The following CBFA2T3 variants were observed in gnomAD, a reference collection of about 807,000 sequenced individuals.
CBFA2T3 encodes the protein transcriptional corepressor CBFA2T3.
CBFA2T3 carries 31 observed loss-of-function variants against 58.6 expected under a neutral mutation model. That is an observed-to-expected ratio of 0.53 (90% CI 0.40 to 0.71). The LOEUF (loss-of-function observed/expected upper bound fraction) is 0.71, where lower values mean the gene tolerates loss of function less well. CBFA2T3 is among the 30% of genes least tolerant of loss of function. The pLI, the probability that CBFA2T3 is intolerant of heterozygous loss-of-function variation, is 0.00. For missense variants in CBFA2T3, 1,076 were observed against 963.1 expected, an observed-to-expected ratio of 1.12 and a Z score of -1.55; for synonymous variants, 531 against 421.9, an observed-to-expected ratio of 1.26 and a Z score of -3.17.
Position 88,953,908 on chromosome 16 carries a change from T to A in CBFA2T3, c.151+22749A>T, listed in dbSNP as rs1452080370. Reference sequence around the variant, plus strand: ...GGGCTGGTGAGGACAGGGACAGAGATGCCCACAGAGCAGGTGGGCTGTGCT... The same window carrying A: ...GGGCTGGTGAGGACAGGGACAGAGAAGCCCACAGAGCAGGTGGGCTGTGCT... On this transcript the variant is annotated intron_variant, in intron 1 of 11. Coordinates refer to ENST00000268679, the MANE Select transcript of CBFA2T3 (RefSeq NM_005187.6). The surrounding 1 kb of genome is among the most constrained non-coding windows in gnomAD (Gnocchi z 4.9). Among the ~76,000 whole-genome samples the A allele has an allele frequency of 6.6e-6, 1 of 152,068 alleles. No individual in the cohort carries two copies. The highest frequency in any genetic ancestry group is 2.4e-5 in the African/African-American group (1 of 41,402).
intron 1 of CBFA2T3, among the ~76,000 whole-genome samples, chr16:88,908,014 C>T (rs568356335): frequency 6.6e-5 from 10 of 152,310 alleles, no homozygotes; most frequent in Non-Finnish European, 1.3e-4. Context: ...TGGCTGCAGC[C>T]TCATCTGCCT....
intron 1 of CBFA2T3, among the ~76,000 whole-genome samples, chr16:88,975,178 A>T (rs796909472): frequency 0.047 from 2,181 of 45,992 alleles, 55 homozygotes; most frequent in African/African-American, 0.071. Context: ...TCTCTGCTCC[A>T]CATCTTTAGC....
chr16:88,895,426 A>C (rs984484503), intron 3 of CBFA2T3, among the ~76,000 whole-genome samples: 16 of 152,202 alleles, frequency 1.1e-4, no homozygotes, highest in Admixed American at 8.5e-4. Flanking sequence ...ACCTGCACAC[A>C]GGCTGCGCGG....
intron 1 of CBFA2T3, chr16:88,941,229 CCACCCCGCGCGGGAACAAAGCGCG>C (rs1971716738): frequency 1.0e-6 from 1 of 957,074 alleles, no homozygotes; most frequent in Non-Finnish European, 1.2e-6. Flanking sequence ...TCGGCTCCGG[CCACCCCGCGCGGGAACAAAGCGCG>C]CACCCCGCCC....
At chr16:88,881,032 G>A in intron 9 of CBFA2T3, 1 of 700,266 alleles carries the variant, frequency 1.4e-6, no homozygotes, top group Admixed American at 2.0e-5. Flanking sequence ...CCTCTCCTGT[G>A]TCAGCATTCG....
intron 7 of CBFA2T3, among the ~76,000 whole-genome samples, chr16:88,884,389 A>C (rs1010522816): frequency 4.6e-5 from 7 of 152,190 alleles, no homozygotes. Context: ...CTGGGTTCTC[A>C]GCACAGAGGC....
intron 1 of CBFA2T3, among the ~76,000 whole-genome samples, chr16:88,924,215 G>A (rs1971012687): frequency 6.6e-6 from 1 of 152,198 alleles, no homozygotes; most frequent in Non-Finnish European, 1.5e-5. Flanking sequence ...CAGTGAGCCT[G>A]AGTGAAGATC....
chr16:88,941,037 G>C, intron 1 of CBFA2T3: 8 of 985,698 alleles, frequency 8.1e-6, no homozygotes, highest in Non-Finnish European at 9.6e-6. Flanking sequence ...GGGTCCGGGG[G>C]ATCCGGCGGG....
At chr16:88,912,555 T>C (rs1161971231) in intron 1 of CBFA2T3, among the ~76,000 whole-genome samples, 1 of 152,154 alleles carries the variant, frequency 6.6e-6, no homozygotes, top group African/African-American at 2.4e-5. Context: ...GCCCCCACGC[T>C]CTCTGCCCCA....
chr16:88,954,474 C>T (rs1257037819), intron 1 of CBFA2T3, among the ~76,000 whole-genome samples: 1 of 137,580 alleles, frequency 7.3e-6, no homozygotes, highest in Admixed American at 6.9e-5. Flanking sequence ...GTCCTGACCC[C>T]AGCCAAGGCT....
At chr16:88,962,643 G>T (rs951018628) in intron 1 of CBFA2T3, among the ~76,000 whole-genome samples, 2 of 152,226 alleles carry the variant, frequency 1.3e-5, no homozygotes, top group African/African-American at 2.4e-5. Flanking sequence ...CCTGGACCAC[G>T]TTTCGGGGGG....
chr16:88,967,507 G>C (rs1161083620), intron 1 of CBFA2T3, among the ~76,000 whole-genome samples: 1 of 152,078 alleles, frequency 6.6e-6, no homozygotes. Flanking sequence ...GCCGTGGTGG[G>C]GTGTGGGGTG....
At position 88,957,151 on chromosome 16, in the gene CBFA2T3, A is replaced by G. The variant is rs371691398; in HGVS notation, c.151+19506T>C. ...CGGGCAGCTGCCCAGCAGAACCATC[A>G]TCACACGAGATTGGTTGCTCACTCC... On this transcript the variant is annotated intron_variant, in intron 1 of 11. Coordinates refer to ENST00000268679, the MANE Select transcript of CBFA2T3 (RefSeq NM_005187.6). Among the ~76,000 whole-genome samples the G allele has an allele frequency of 9.4e-4, 143 of 152,278 alleles. 4 individuals carry two copies. In the South Asian group the frequency reaches 0.028, roughly 30 times the overall value.
chr16:88,876,613 G>A lies in CBFA2T3; in HGVS notation c.*363C>T. ...AGAGAGAGAGAGGATAGAGAAGACA[G>A]AGGGGGAGAGACAGACAGAGAGGAA... On this transcript the variant is annotated 3_prime_UTR_variant, in exon 12 of 12. Transcript: ENST00000268679. 2 of 292,382 alleles carry A rather than the reference G, an allele frequency of 6.8e-6. No individual in the cohort carries two copies. Among genetic ancestry groups the A allele is most frequent in the Non-Finnish European group, 1.3e-5 (2 of 158,176 alleles). The allele number at this position is 292,382 out of a possible 1,614,324, so 18.1% of individuals were successfully genotyped here.
chr16:88,944,230 G>C (rs992705798), intron 1 of CBFA2T3, among the ~76,000 whole-genome samples: 1 of 151,590 alleles, frequency 6.6e-6, no homozygotes, highest in African/African-American at 2.4e-5. Flanking sequence ...CCAGCTACTC[G>C]GGAGGCTGAG....
intron 1 of CBFA2T3, among the ~76,000 whole-genome samples, chr16:88,914,847 C>G (rs190445668): frequency 1.6e-4 from 24 of 152,352 alleles, no homozygotes; most frequent in African/African-American, 5.8e-4. Context: ...CTGGGGCCTG[C>G]TTGCCCCGTG....
At chr16:88,917,042 C>G (rs374434054) in intron 1 of CBFA2T3, among the ~76,000 whole-genome samples, 4 of 150,548 alleles carry the variant, frequency 2.7e-5, no homozygotes, top group Non-Finnish European at 4.4e-5. Flanking sequence ...CCACTGCACT[C>G]CAGCCTAGGT....
intron 1 of CBFA2T3, among the ~76,000 whole-genome samples, chr16:88,965,190 A>C (rs1447688793): frequency 1.4e-5 from 2 of 147,410 alleles, no homozygotes; most frequent in East Asian, 4.0e-4. Flanking sequence ...CATTTGGATC[A>C]TTTAATAACA....
chr16:88,929,918 C>T (rs1300169915), intron 1 of CBFA2T3, among the ~76,000 whole-genome samples: 1 of 148,618 alleles, frequency 6.7e-6, no homozygotes, highest in Non-Finnish European at 1.5e-5. Context: ...GCATCGTCCA[C>T]GCAAAAGCTA....
Sources: allele counts gnomAD v4.1 joint callset (sites outside exome capture counted in the v4.1 genomes callset), GRCh38; gene constraint gnomAD v4.1.1; non-coding constraint Gnocchi (gnomAD v3.1); transcripts MANE v1.5; gene names NCBI Gene and HGNC (gene_info 2026-07-23, HGNC 2026-07-21).